ANKRD26: variants seen among roughly 807,000 people sequenced by gnomAD.
ANKRD26 encodes the protein ankyrin repeat domain-containing protein 26.
A neutral mutation model predicts 208.7 loss-of-function variants in ANKRD26; 141 were observed. The observed-to-expected ratio is 0.68, with a 90% CI of 0.59 to 0.78. The LOEUF (loss-of-function observed/expected upper bound fraction) is 0.78. Ranked by LOEUF, ANKRD26 falls within the 30% of genes least tolerant of loss-of-function variation. The probability of loss-of-function intolerance (pLI) is 0.00; values close to 1 mark genes in which losing one functional copy is unlikely to be tolerated. For missense variants in ANKRD26, 1,889 were observed against 1,938.7 expected (o/e 0.97, Z 0.48); for synonymous variants, 636 against 660.4 (o/e 0.96, Z 0.57).
rs1482752259 is a variant in ANKRD26, at chr10:27,071,688, AG to A, written c.1078-4403del. 3.9e-5 allele frequency among the ~76,000 whole-genome samples: 6 copies of A among 152,108 alleles called. No individual in the cohort carries two copies. The East Asian group carries it at 9.7e-4, about 24-fold the overall frequency. On this transcript the variant is annotated intron_variant, in intron 9 of 33. Coordinates refer to ENST00000376087, the MANE Select transcript of ANKRD26 (RefSeq NM_014915.3). Reference sequence around the variant, plus strand: ...GAAACCAGAGACCCTGTGAAAGAACAGGCGGGCAGCAGTGTACACGATGAAC... The same window carrying A: ...GAAACCAGAGACCCTGTGAAAGAACAGCGGGCAGCAGTGTACACGATGAAC...
chr10:27,021,445 G>A (rs1045685343), intron 29 of ANKRD26, among the ~76,000 whole-genome samples: 1 of 152,162 alleles, frequency 6.6e-6, no homozygotes, highest in Non-Finnish European at 1.5e-5. Context: ...AGCCTTGCTG[G>A]CATTTGTTAT....
rs1372668588 is a variant in ANKRD26 at position 27,082,833 on chromosome 10, A to G, written c.710T>C (p.Val237Ala). The change falls in exon 6 of 34, where the codon GTG (valine) becomes GCG (alanine). Residue 237 changes from valine (V) to alanine (A), a missense_variant and splice_region_variant. This residue lies in a region of ANKRD26 where 1,272 missense variants were observed against 1,273.8 expected (regional missense o/e 1.00). Coordinates refer to ENST00000376087, the MANE Select transcript of ANKRD26 (RefSeq NM_014915.3). ...TAAGGAGTCTTCAGAGCTTTCATCC[A>G]CTATTAAAGAGAAAAGTAAAACACA... The part of the protein sequence containing the change: ...PKHSSQNSNS[V>A]DESSEDSLSR... The G allele has an allele frequency of 3.1e-6, 5 of 1,589,152 alleles. No individual in the cohort carries two copies. Among genetic ancestry groups the G allele is most frequent in the Non-Finnish European group, 2.6e-6 (3 of 1,166,636 alleles).
intron 28 of ANKRD26, 38 bp from the exon 29 acceptor site, chr10:27,022,725 A>G: frequency 6.5e-7 from 1 of 1,540,568 alleles, no homozygotes; most frequent in Non-Finnish European, 8.9e-7. Context: ...CAAGTTTTAA[A>G]AAGGCAAACA....
chr10:26,976,437 A>T (rs890798952), intron 5 of ANKRD26, among the ~76,000 whole-genome samples: 1 of 151,576 alleles, frequency 6.6e-6, no homozygotes, highest in Non-Finnish European at 1.5e-5. Context: ...CTGGTCTCGA[A>T]CTCCTGACCT....
intron 17 of ANKRD26, among the ~76,000 whole-genome samples, chr10:27,048,224 C>T (rs1212022191): frequency 1.3e-5 from 2 of 152,062 alleles, no homozygotes. Flanking sequence ...TGGCAAAATT[C>T]AAATTAATTT....
the ANKRD26 span, among the ~76,000 whole-genome samples, chr10:26,947,591 A>G: frequency 6.6e-6 from 1 of 152,214 alleles, no homozygotes; most frequent in Non-Finnish European, 1.5e-5. Context: ...AAACATTTCA[A>G]TCTTTGATTT....
intron 9 of ANKRD26, 59 bp from the exon 10 acceptor site, chr10:27,067,345 T>C (rs2055295070): frequency 1.9e-6 from 3 of 1,571,732 alleles, no homozygotes; most frequent in African/African-American, 1.4e-5. Context: ...TTTATTCACT[T>C]ACCCATTCAA....
At chr10:27,085,320 C>T (rs927402659) in intron 5 of ANKRD26, among the ~76,000 whole-genome samples, 6 of 151,968 alleles carry the variant, frequency 3.9e-5, no homozygotes, top group African/African-American at 1.2e-4. Flanking sequence ...AGGCTGGTCT[C>T]GAACTCCTGA....
At chr10:27,064,204 T>C in intron 11 of ANKRD26, 123 bp from the exon 12 acceptor site, 1 of 783,468 alleles carries the variant, frequency 1.3e-6, no homozygotes, top group Non-Finnish European at 2.0e-6. Context: ...GGCTTAAAAA[T>C]AAGATAAGCA....
intron 33 of ANKRD26, among the ~76,000 whole-genome samples, chr10:27,006,140 T>C (rs1204555884): frequency 1.3e-5 from 2 of 152,202 alleles, no homozygotes; most frequent in Admixed American, 6.5e-5. Flanking sequence ...GGGACACCTA[T>C]CCCAGTTCTG....
the ANKRD26 span, among the ~76,000 whole-genome samples, chr10:26,960,281 C>T: frequency 3.9e-5 from 6 of 152,308 alleles, no homozygotes; most frequent in South Asian, 4.1e-4. Context: ...TTAAGAGAAC[C>T]GGCAGCTTTT....
At chr10:26,949,392 A>T in the ANKRD26 span, among the ~76,000 whole-genome samples, 1 of 151,804 alleles carries the variant, frequency 6.6e-6, no homozygotes, top group African/African-American at 2.4e-5. Flanking sequence ...ACATCATATG[A>T]CCTTGAGACA....
chr10:27,083,056 T>TTCCTG (rs1197232622), intron 5 of ANKRD26, among the ~76,000 whole-genome samples: 1 of 152,076 alleles, frequency 6.6e-6, no homozygotes, highest in Non-Finnish European at 1.5e-5. Flanking sequence ...ACCTGACAAT[T>TTCCTG]TCCTACTCCT....
intron 21 of ANKRD26, 64 bp from the exon 22 acceptor site, chr10:27,038,118 T>C (rs2054104081): frequency 2.2e-5 from 29 of 1,345,748 alleles, no homozygotes; most frequent in South Asian, 1.3e-4. Context: ...CATTGTGTGA[T>C]ATGCCGCTTT....
At chr10:27,080,721 G>C (rs2055877170) in intron 6 of ANKRD26, 1 of 985,322 alleles carries the variant, frequency 1.0e-6, no homozygotes, top group African/African-American at 1.7e-5. Context: ...ACAAATTCCT[G>C]AAAGGATGGT....
At chr10:27,023,417 C>T (rs193153319) in intron 28 of ANKRD26, among the ~76,000 whole-genome samples, 2 of 150,150 alleles carry the variant, frequency 1.3e-5, no homozygotes, top group East Asian at 1.9e-4. Context: ...ATTTGATATC[C>T]GTTGACCACT....
intron 25 of ANKRD26, chr10:27,030,509 G>A: frequency 1.0e-6 from 1 of 985,374 alleles, no homozygotes; most frequent in Non-Finnish European, 1.2e-6. Flanking sequence ...ACTCTGGTGG[G>A]CTTAAGGCTA....
intron 27 of ANKRD26, among the ~76,000 whole-genome samples, chr10:27,028,401 C>G (rs1175768513): frequency 1.3e-5 from 2 of 151,714 alleles, no homozygotes; most frequent in African/African-American, 2.4e-5. Flanking sequence ...TCGAGACCAT[C>G]CTGGCTAACA....
At chr10:27,020,575 T>C (rs1235350600) in intron 29 of ANKRD26, among the ~76,000 whole-genome samples, 1 of 152,230 alleles carries the variant, frequency 6.6e-6, no homozygotes, top group Non-Finnish European at 1.5e-5. Flanking sequence ...TTATCTTCCT[T>C]GCCTGACCTA....
Sources: allele counts gnomAD v4.1 joint callset (sites outside exome capture counted in the v4.1 genomes callset), GRCh38; gene constraint gnomAD v4.1.1; regional missense constraint gnomAD v4.1.1; transcripts MANE v1.5; gene names NCBI Gene and HGNC (gene_info 2026-07-23, HGNC 2026-07-21).